Variants in MYH10 observed in about 807,000 individuals in gnomAD.
MYH10 encodes myosin-10.
A neutral mutation model predicts 257.8 loss-of-function variants in MYH10; 55 were observed. The ratio of observed to expected loss-of-function variants is 0.21; its 90% CI spans 0.17 to 0.27. MYH10 has a LOEUF of 0.27. MYH10 is among the 10% of genes least tolerant of loss of function. The pLI is 1.00. For missense variants in MYH10, 1,631 were observed against 2,500.6 expected (o/e 0.65, Z 7.42); for synonymous variants, 854 against 921.7 (o/e 0.93, Z 1.33).
chr17:8,560,525 C>G, intron 7 of MYH10: 1 of 608,708 alleles, frequency 1.6e-6, no homozygotes, highest in Non-Finnish European at 3.0e-6. Flanking sequence ...TCCTTTGGCC[C>G]ATGCAGCTCC....
At chr17:8,551,984 C>A in intron 9 of MYH10, 62 bp downstream of exon 9, 1 of 976,296 alleles carries the variant, frequency 1.0e-6, no homozygotes, top group South Asian at 2.6e-5. Context: ...TGTTTTTTCT[C>A]AAAAAAAAAT....
At chr17:8,581,844 T>C (rs1423132081) in intron 4 of MYH10, among the ~76,000 whole-genome samples, 1 of 152,226 alleles carries the variant, frequency 6.6e-6, no homozygotes, top group East Asian at 1.9e-4. Flanking sequence ...GTTAGGACAG[T>C]GGTTAAGAAC....
chr17:8,565,588 A>G (rs1294426425), intron 7 of MYH10, among the ~76,000 whole-genome samples: 2 of 152,260 alleles, frequency 1.3e-5, no homozygotes, highest in Non-Finnish European at 2.9e-5. Context: ...TCGAATTGAA[A>G]GCTACGTCTA....
chr17:8,504,469 CCTCT>C lies in MYH10; in HGVS notation c.3599+221_3599+224del, dbSNP rs1301666810. Reference sequence around the variant, plus strand: ...CAGCTTTTCCGATCACATCCATCTCCCTCTGTGTCCCTCAGTCTGCTGGTTTACC... The same window carrying C: ...CAGCTTTTCCGATCACATCCATCTCCGTGTCCCTCAGTCTGCTGGTTTACC... On this transcript the variant is annotated intron_variant, in intron 28 of 42. Coordinates refer to ENST00000360416, the MANE Select transcript of MYH10 (RefSeq NM_001256012.3). The surrounding 1 kb of genome is among the most constrained non-coding windows in gnomAD (Gnocchi z 5.6). 3.9e-5 allele frequency among the ~76,000 whole-genome samples: 6 copies of C among 152,202 alleles called. No homozygotes were observed. Among genetic ancestry groups the C allele is most frequent in the African/African-American group, 9.7e-5 (4 of 41,448 alleles).
chr17:8,592,517 A>G (rs2084186651), intron 3 of MYH10, among the ~76,000 whole-genome samples: 1 of 152,038 alleles, frequency 6.6e-6, no homozygotes, highest in Non-Finnish European at 1.5e-5. Context: ...AATATTAAGA[A>G]TGACTTTATG....
chr17:8,513,936 T>A (rs1462027068), intron 21 of MYH10, 42 bp from the exon 22 acceptor site: 1 of 1,538,828 alleles, frequency 6.5e-7, no homozygotes, highest in Non-Finnish European at 8.9e-7. Flanking sequence ...AAGAAAAAAG[T>A]GCTTGAATGG....
intron 2 of MYH10, among the ~76,000 whole-genome samples, chr17:8,619,992 C>A (rs2085406616): frequency 6.6e-6 from 1 of 152,106 alleles, no homozygotes; most frequent in East Asian, 1.9e-4. Context: ...CATTGATAAA[C>A]CACAATGGGA....
intron 35 of MYH10, among the ~76,000 whole-genome samples, chr17:8,489,746 C>CCACACACACACACACACA (rs1555570912): frequency 6.7e-6 from 1 of 149,558 alleles, no homozygotes; most frequent in African/African-American, 2.5e-5. Flanking sequence ...CACACACACA[C>CCACACACACACACACACA]CCCAAATCCA....
intron 12 of MYH10, among the ~76,000 whole-genome samples, 166 bp downstream of exon 12, chr17:8,546,378 A>G (rs1480492814): frequency 6.9e-6 from 1 of 145,918 alleles, no homozygotes; most frequent in African/African-American, 2.5e-5. Flanking sequence ...TTTTTTCGAA[A>G]ACGAAAAAGT....
Position 8,552,701 on chromosome 17 carries a change from C to T in MYH10, c.821-557G>A, listed in dbSNP as rs2082677089. Reference sequence around the variant, plus strand: ...TTGAAAGCCTCCTATATGAGAGGCACTCGCCCTTCACACTCAGCAGCACAT... The same window carrying T: ...TTGAAAGCCTCCTATATGAGAGGCATTCGCCCTTCACACTCAGCAGCACAT... On this transcript the variant is annotated intron_variant, in intron 8 of 42. Transcript: ENST00000360416. This position sits in a 1 kb window ranked among gnomAD's most constrained non-coding sequence, Gnocchi z 4.8. 6.6e-6 allele frequency among the ~76,000 whole-genome samples: 1 copy of T among 152,190 alleles called. No individual in the cohort carries two copies. The highest frequency in any genetic ancestry group is 2.4e-5 in the African/African-American group (1 of 41,444).
chr17:8,564,422 G>T (rs2083095948), intron 7 of MYH10, among the ~76,000 whole-genome samples: 1 of 152,102 alleles, frequency 6.6e-6, no homozygotes, highest in African/African-American at 2.4e-5. Context: ...TCAACCCAAG[G>T]CCTGGCCTGC....
intron 37 of MYH10, among the ~76,000 whole-genome samples, chr17:8,482,348 C>A (rs111526194): frequency 1.3e-5 from 2 of 152,336 alleles, no homozygotes; most frequent in African/African-American, 4.8e-5. Context: ...AGCACGTGCA[C>A]CTGCCTTACA....
intron 32 of MYH10, among the ~76,000 whole-genome samples, chr17:8,493,233 A>C (rs897073192): frequency 2.6e-5 from 4 of 152,012 alleles, no homozygotes; most frequent in Admixed American, 6.5e-5. Flanking sequence ...AGTCTCGGCT[A>C]CTGGGGAGGC....
chr17:8,496,857 G>C (rs1176044503), intron 30 of MYH10, among the ~76,000 whole-genome samples: 1 of 152,176 alleles, frequency 6.6e-6, no homozygotes, highest in Non-Finnish European at 1.5e-5. Flanking sequence ...AACTGTCCAT[G>C]TAAACAATAT....
chr17:8,612,115 C>A (rs1003652700), intron 2 of MYH10, among the ~76,000 whole-genome samples: 2 of 152,164 alleles, frequency 1.3e-5, no homozygotes, highest in African/African-American at 4.8e-5. Context: ...GTGAATTATC[C>A]CTTCGTCCAG....
At chr17:8,485,905 A>G (rs1914680177) in intron 36 of MYH10, among the ~76,000 whole-genome samples, 1 of 152,242 alleles carries the variant, frequency 6.6e-6, no homozygotes, top group Admixed American at 6.5e-5. Context: ...TCAGAAGTCA[A>G]AAAAATGGAA....
chr17:8,520,849 T>C (rs200975685), intron 19 of MYH10, 29 bp downstream of exon 19: 5 of 1,579,330 alleles, frequency 3.2e-6, no homozygotes, highest in East Asian at 2.2e-5. Flanking sequence ...CTCTGATACA[T>C]AAGCAAAAAA....
At chr17:8,566,904 A>C (rs1216907926) in intron 7 of MYH10, among the ~76,000 whole-genome samples, 3 of 152,180 alleles carry the variant, frequency 2.0e-5, no homozygotes, top group Non-Finnish European at 2.9e-5. Context: ...CTTAGTAGCA[A>C]TTTATCTTTT....
Position 8,475,947 on chromosome 17 carries a change from G to C in MYH10, c.5881C>G (p.Arg1961Gly). Residue 1961 changes from arginine to glycine, a missense_variant and splice_region_variant, in exon 43 of 43, where the codon CGG (arginine) becomes GGG (glycine). Arg to Gly is a moderately radical substitution (Grantham distance 125). Around this residue, in one of 11 missense-constraint regions of MYH10, gnomAD observed 343 missense variants for 389.5 expected, o/e 0.88. Transcript: ENST00000360416. ...EVSTLKNRLR[R>G]GGPISFSSSR... ...GAAGAGAAGCTGATGGGGCCACCCCGCCTGGAGAACACAGGAAGCAGATGT... is the reference window on the plus strand; with the variant it reads ...GAAGAGAAGCTGATGGGGCCACCCCCCCTGGAGAACACAGGAAGCAGATGT... 6.2e-7 allele frequency: 1 copy of C among 1,612,444 alleles called. No individual in the cohort carries two copies. Among genetic ancestry groups the C allele is most frequent in the Non-Finnish European group, 8.5e-7 (1 of 1,179,708 alleles).
Sources: gnomAD v4.1 joint callset for allele counts (sites outside exome capture counted in the v4.1 genomes callset) on GRCh38, gnomAD v4.1.1 for gene constraint, gnomAD v4.1.1 regional missense constraint, Gnocchi (gnomAD v3.1) non-coding constraint, MANE v1.5 for transcripts, NCBI Gene and HGNC (gene_info 2026-07-23, HGNC 2026-07-21) for gene names.